The following LPP variants were observed in gnomAD, a reference collection of about 807,000 sequenced individuals.
LPP encodes lipoma-preferred partner.
Under a neutral mutation model 60.4 loss-of-function variants are expected in LPP, and 38 were observed. The observed-to-expected ratio is 0.63, with a 90% CI of 0.49 to 0.83. LPP has a LOEUF of 0.83. Ranked by LOEUF, LPP falls within the 40% of genes least tolerant of loss-of-function variation. LPP has a pLI of 0.00. For synonymous variants in LPP, 328 were observed against 290.8 expected (o/e 1.13, Z -1.30); for missense variants, 902 against 783.6 (o/e 1.15, Z -1.80).
At chr3:188,760,970 A>G (rs1424978540) in intron 9 of LPP, among the ~76,000 whole-genome samples, 1 of 152,236 alleles carries the variant, frequency 6.6e-6, no homozygotes, top group Non-Finnish European at 1.5e-5. Context: ...TTAGCGTTTT[A>G]CAATGCTACT....
rs1759631974 is a variant in LPP at position 188,330,248 on chromosome 3, T to C, written c.-66-11415T>C. ...CTACATGTTCTTTTAAATATGTCTC[T>C]TATGTTATAGAGTAACTTTTTGGGG... On this transcript the variant is annotated intron_variant, in intron 2 of 11. Transcript: ENST00000617246. 2.0e-5 allele frequency among the ~76,000 whole-genome samples: 3 copies of C among 152,078 alleles called. No individual in the cohort carries two copies. The South Asian group carries it at 6.3e-4, about 32-fold the overall frequency.
chr3:188,219,781 C>A (rs778791965), intron 1 of LPP, among the ~76,000 whole-genome samples: 48 of 152,288 alleles, frequency 3.2e-4, no homozygotes, highest in Non-Finnish European at 6.2e-4. Flanking sequence ...TCCTACCAAC[C>A]CCCAGATATA....
rs546443312 is a variant in LPP at position 188,340,931 on chromosome 3, G to A, written c.-66-732G>A. On this transcript the variant is annotated intron_variant, in intron 2 of 11. Coordinates refer to ENST00000617246, the MANE Select transcript of LPP (RefSeq NM_001375462.1). ...CACTGCTCTCTATAACCATATATAT[G>A]GAATAATGGAGAGAAATCTTATTTA... Among the ~76,000 whole-genome samples the A allele has an allele frequency of 6.6e-4, 100 of 152,036 alleles. 1 individual carries two copies. The highest frequency in any genetic ancestry group is 1.2e-3 in the Non-Finnish European group (83 of 67,988).
At chr3:188,157,939 T>C (rs1355315894) in intron 1 of LPP, among the ~76,000 whole-genome samples, 1 of 152,140 alleles carries the variant, frequency 6.6e-6, no homozygotes, top group Non-Finnish European at 1.5e-5. Flanking sequence ...AGGCTGTGTT[T>C]TGAAAGGCCA....
chr3:188,804,724 C>T (rs1748550457), intron 9 of LPP, among the ~76,000 whole-genome samples: 1 of 151,976 alleles, frequency 6.6e-6, no homozygotes, highest in Non-Finnish European at 1.5e-5. Context: ...TAGGGACTTT[C>T]AGTTAGTTGT....
At chr3:188,208,822 C>A (rs1733970826) in intron 1 of LPP, among the ~76,000 whole-genome samples, 1 of 152,258 alleles carries the variant, frequency 6.6e-6, no homozygotes, top group African/African-American at 2.4e-5. Flanking sequence ...CCCCGTAGAA[C>A]ATCAAATCAT....
At chr3:188,606,025 A>G (rs546090821) in intron 6 of LPP, among the ~76,000 whole-genome samples, 1 of 152,268 alleles carries the variant, frequency 6.6e-6, no homozygotes, top group Non-Finnish European at 1.5e-5. Flanking sequence ...AGAAGACCAT[A>G]GTACTCTGTT....
chr3:188,448,828 G>C (rs1266249495), intron 4 of LPP, among the ~76,000 whole-genome samples: 2 of 152,176 alleles, frequency 1.3e-5, no homozygotes, highest in African/African-American at 2.4e-5. Flanking sequence ...TTAGTGAGTT[G>C]TTGAAACGTG....
At chr3:188,161,164 A>T (rs946120027) in intron 1 of LPP, among the ~76,000 whole-genome samples, 2 of 152,180 alleles carry the variant, frequency 1.3e-5, no homozygotes, top group African/African-American at 2.4e-5. Context: ...GGGAGGGAGC[A>T]GGAAGGCTTT....
At chr3:188,866,174 G>C in intron 9 of LPP, 26 bp from the exon 10 acceptor site, 2 of 1,446,478 alleles carry the variant, frequency 1.4e-6, no homozygotes, top group Non-Finnish European at 1.8e-6. Context: ...GTCCCAGTCT[G>C]ACGTGGTTTC....
chr3:188,872,831 C>T, intron 11 of LPP, 68 bp downstream of exon 11: 1 of 1,599,092 alleles, frequency 6.3e-7, no homozygotes, highest in Non-Finnish European at 8.5e-7. Context: ...GCTAGGTTTA[C>T]ATAGATGTAG....
rs75797149 is a variant in LPP at position 188,167,751 on chromosome 3, A to T, written c.-190+13499A>T. Among the ~76,000 whole-genome samples, 710 of 152,328 alleles carry T rather than the reference A, an allele frequency of 4.7e-3. 46 individuals carry two copies. The East Asian group carries it at 0.12, about 27-fold the overall frequency. On this transcript the variant is annotated intron_variant, in intron 1 of 11. Transcript: ENST00000617246. ...TTTCAGAGAAGAATTATAGCACAAA[A>T]GTCCCAACTATTTCTATGACTTTTC...
intron 7 of LPP, among the ~76,000 whole-genome samples, chr3:188,635,069 T>TA: frequency 6.6e-6 from 1 of 152,302 alleles, no homozygotes; most frequent in South Asian, 2.1e-4. Flanking sequence ...GCAGAAGAGT[T>TA]ACAACTAGAG....
intron 7 of LPP, among the ~76,000 whole-genome samples, chr3:188,638,868 A>G (rs1171150574): frequency 3.3e-5 from 5 of 151,828 alleles, no homozygotes; most frequent in Non-Finnish European, 7.4e-5. Context: ...ATAAAAGAGG[A>G]TACAAACAAA....
At chr3:188,501,065 A>T (rs1482922701) in intron 5 of LPP, among the ~76,000 whole-genome samples, 1 of 151,190 alleles carries the variant, frequency 6.6e-6, no homozygotes, top group Non-Finnish European at 1.5e-5. Context: ...TCTTATCTTT[A>T]TTATTTCTTC....
At position 188,733,938 on chromosome 3, in the gene LPP, CT is replaced by C. The variant is rs1189889035; in HGVS notation, c.1240+25549del. On this transcript the variant is annotated intron_variant, in intron 8 of 11. Transcript: ENST00000617246. ...CTGTCTTGTCCATATTCATAGCTTC[CT>C]TTTGCTTTGACTGTTTTTCCTTTTT... 2.6e-5 allele frequency among the ~76,000 whole-genome samples: 4 copies of C among 152,166 alleles called. No homozygotes were observed. In the East Asian group the frequency reaches 7.7e-4, roughly 29 times the overall value.
intron 8 of LPP, among the ~76,000 whole-genome samples, chr3:188,752,945 C>A (rs990596890): frequency 2.0e-5 from 3 of 152,166 alleles, no homozygotes; most frequent in Non-Finnish European, 4.4e-5. Context: ...CACTAAGATC[C>A]CCTGAGGCTT....
intron 8 of LPP, among the ~76,000 whole-genome samples, chr3:188,757,638 A>G (rs1730698942): frequency 6.6e-6 from 1 of 152,196 alleles, no homozygotes; most frequent in South Asian, 2.1e-4. Context: ...CTTGACATCT[A>G]GAAAAGGGAA....
chr3:188,813,020 G>T (rs1379654430), intron 9 of LPP, among the ~76,000 whole-genome samples: 3 of 152,062 alleles, frequency 2.0e-5, no homozygotes, highest in Non-Finnish European at 4.4e-5. Flanking sequence ...TATAGCTTCT[G>T]TATTTCCACT....
Sources: allele counts gnomAD v4.1 joint callset (sites outside exome capture counted in the v4.1 genomes callset), GRCh38; gene constraint gnomAD v4.1.1; transcripts MANE v1.5; gene names NCBI Gene and HGNC (gene_info 2026-07-23, HGNC 2026-07-21).